The following GAS7 variants were observed in gnomAD, a reference collection of about 807,000 sequenced individuals.
GAS7 encodes the protein growth arrest-specific protein 7.
A neutral mutation model predicts 71.1 loss-of-function variants in GAS7; 28 were observed. That is an observed-to-expected ratio of 0.39 (90% CI 0.29 to 0.54). The LOEUF (loss-of-function observed/expected upper bound fraction) is 0.54, where lower values mean the gene tolerates loss of function less well. GAS7 is among the 20% of genes least tolerant of loss of function. GAS7 has a pLI of 0.62. For missense variants in GAS7, 436 were observed against 627.8 expected, an observed-to-expected ratio of 0.69 and a Z score of 3.27; for synonymous variants, 258 against 245.8, an observed-to-expected ratio of 1.05 and a Z score of -0.46.
intron 1 of GAS7, among the ~76,000 whole-genome samples, chr17:10,156,528 C>A (rs1395508587): frequency 3.9e-5 from 6 of 152,166 alleles, no homozygotes; most frequent in Non-Finnish European, 8.8e-5. Context: ...TCTCCACTTG[C>A]CTGTCGGGAG....
chr17:10,156,418 C>G (rs1033418370), intron 1 of GAS7, among the ~76,000 whole-genome samples: 1 of 152,232 alleles, frequency 6.6e-6, no homozygotes, highest in Admixed American at 6.5e-5. Flanking sequence ...AAGCTCTCTT[C>G]CAAACTCGTC....
At chr17:10,001,495 G>A (rs571538345) in intron 2 of GAS7, among the ~76,000 whole-genome samples, 3 of 152,242 alleles carry the variant, frequency 2.0e-5, no homozygotes, top group East Asian at 1.9e-4. Flanking sequence ...AGCAGGAATC[G>A]GGGAAAAAAG....
chr17:10,005,158 T>C (rs765190241), intron 2 of GAS7, among the ~76,000 whole-genome samples: 2 of 45,256 alleles, frequency 4.4e-5, no homozygotes, highest in African/African-American at 6.2e-5. Context: ...TGCATGCATG[T>C]GTGTGCGCAC....
intron 1 of GAS7, among the ~76,000 whole-genome samples, chr17:10,136,808 C>T (rs576577847): frequency 6.6e-6 from 1 of 152,282 alleles, no homozygotes; most frequent in Admixed American, 6.5e-5. Flanking sequence ...CATTATCTGA[C>T]CCTCTTTGAC....
In GAS7 at chr17:10,029,406, C is replaced by T. The variant is rs140566323; in HGVS notation, c.184-9509G>A. Among the ~76,000 whole-genome samples, 23 of 152,314 alleles carry T rather than the reference C, an allele frequency of 1.5e-4. No individual in the cohort carries two copies. In the South Asian group the frequency reaches 3.1e-3, roughly 21 times the overall value. Reference sequence around the variant, plus strand: ...ATAAAGGTGAAGAATGACGAAATCACGGCACAAAAGGATCCAGGCTGAACG... The same window carrying T: ...ATAAAGGTGAAGAATGACGAAATCATGGCACAAAAGGATCCAGGCTGAACG... On this transcript the variant is annotated intron_variant, in intron 1 of 13. Coordinates refer to ENST00000432992, the MANE Select transcript of GAS7 (RefSeq NM_201433.2).
chr17:10,133,020 C>T (rs1326439444), intron 1 of GAS7, among the ~76,000 whole-genome samples: 2 of 151,916 alleles, frequency 1.3e-5, no homozygotes, highest in Non-Finnish European at 2.9e-5. Flanking sequence ...CTGAAAGACA[C>T]ACAGACCAAC....
At chr17:9,990,535 T>C (rs114503739) in intron 2 of GAS7, among the ~76,000 whole-genome samples, 120 of 152,254 alleles carry the variant, frequency 7.9e-4, no homozygotes, top group African/African-American at 2.8e-3. Context: ...GGTGAGTGTG[T>C]TGGGGGCCAT....
At chr17:10,127,896 C>G (rs2142083663) in intron 1 of GAS7, among the ~76,000 whole-genome samples, 1 of 152,372 alleles carries the variant, frequency 6.6e-6, no homozygotes, top group Admixed American at 6.5e-5. Context: ...TCCAGGACCA[C>G]CACTCGGGCC....
chr17:10,146,767 G>A (rs535357364), intron 1 of GAS7, among the ~76,000 whole-genome samples: 7 of 152,122 alleles, frequency 4.6e-5, no homozygotes, highest in East Asian at 3.9e-4. Flanking sequence ...GGCGGATCAC[G>A]AGGTCAAGAG....
At chr17:9,982,834 A>G (rs917930849) in intron 2 of GAS7, among the ~76,000 whole-genome samples, 4 of 144,116 alleles carry the variant, frequency 2.8e-5, no homozygotes, top group East Asian at 4.0e-4. Flanking sequence ...GGAAAGAAAG[A>G]AAGAAAGAAA....
chr17:10,140,902 A>G (rs1338665365), intron 1 of GAS7, among the ~76,000 whole-genome samples: 1 of 152,240 alleles, frequency 6.6e-6, no homozygotes, highest in Non-Finnish European at 1.5e-5. Flanking sequence ...CTAAAGATGC[A>G]GGGTCCCACA....
intron 1 of GAS7, among the ~76,000 whole-genome samples, chr17:10,021,845 C>A (rs112574692): frequency 6.6e-6 from 1 of 152,110 alleles, no homozygotes; most frequent in Admixed American, 6.6e-5. Flanking sequence ...CGTGTGTGTG[C>A]GTGTGCATGC....
intron 1 of GAS7, among the ~76,000 whole-genome samples, chr17:10,170,273 AGATCCTTGTGAGGGTCTCAAAAGCCCTC>A (rs2074326607): frequency 6.6e-6 from 1 of 151,804 alleles, no homozygotes; most frequent in South Asian, 2.1e-4. Context: ...GGTAAATGTC[AGATCCTTGTGAGGGTCTCAAAAGCCCTC>A]GTGCTTTGGC....
At chr17:9,962,384 T>C (rs1484381903) in intron 4 of GAS7, among the ~76,000 whole-genome samples, 4 of 152,200 alleles carry the variant, frequency 2.6e-5, no homozygotes, top group African/African-American at 9.7e-5. Context: ...GGAAGCTCCT[T>C]GGTACTAATT....
chr17:9,934,329 G>C lies in GAS7; in HGVS notation c.807-85C>G, dbSNP rs560877667. 3.7e-5 allele frequency: 33 copies of C among 885,562 alleles called. No homozygotes were observed. The Admixed American group carries it at 6.3e-4, about 17-fold the overall frequency. The allele number at this position is 885,562 out of a possible 1,614,324, so 54.9% of individuals were successfully genotyped here. A position where few individuals can be genotyped will look rare whatever the true frequency, so the allele number is the denominator to read the frequency against. On this transcript the variant is annotated intron_variant, in intron 8 of 13. Coordinates refer to ENST00000432992, the MANE Select transcript of GAS7 (RefSeq NM_201433.2). ...GGTGGGGCTCCACCCCAGGTCTCGG[G>C]GAGGTATATGACAGCTGAGAATGTG...
intron 1 of GAS7, among the ~76,000 whole-genome samples, chr17:10,179,620 A>C (rs992865266): frequency 4.6e-5 from 7 of 152,182 alleles, no homozygotes; most frequent in Non-Finnish European, 8.8e-5. Flanking sequence ...GTCCAAATAC[A>C]CTATAACAAA....
At chr17:10,161,349 C>A (rs1452376596) in intron 1 of GAS7, among the ~76,000 whole-genome samples, 1 of 152,188 alleles carries the variant, frequency 6.6e-6, no homozygotes, top group Non-Finnish European at 1.5e-5. Flanking sequence ...CTGGTTCTAA[C>A]CAAACTCAAA....
At chr17:10,097,112 C>A (rs2073648845) in intron 1 of GAS7, among the ~76,000 whole-genome samples, 1 of 152,248 alleles carries the variant, frequency 6.6e-6, no homozygotes, top group South Asian at 2.1e-4. Flanking sequence ...GCTGGGCTGC[C>A]TTCCCTCTCT....
intron 1 of GAS7, among the ~76,000 whole-genome samples, chr17:10,192,308 T>G (rs1020236326): frequency 6.6e-6 from 1 of 152,206 alleles, no homozygotes; most frequent in Non-Finnish European, 1.5e-5. Context: ...GACATTTTGT[T>G]AGAAAGCCTG....
Sources: gnomAD v4.1 joint callset for allele counts (sites outside exome capture counted in the v4.1 genomes callset) on GRCh38, gnomAD v4.1.1 for gene constraint, MANE v1.5 for transcripts, NCBI Gene and HGNC (gene_info 2026-07-23, HGNC 2026-07-21) for gene names.